Variants in CREB1 observed in about 807,000 individuals in gnomAD.
CREB1 encodes the protein cyclic AMP-responsive element-binding protein 1.
CREB1 carries 2 observed loss-of-function variants against 42.0 expected under a neutral mutation model. The ratio of observed to expected loss-of-function variants is 0.05; its 90% confidence interval spans 0.02 to 0.15. The LOEUF (loss-of-function observed/expected upper bound fraction) is 0.15. Ranked by LOEUF, CREB1 falls within the 10% of genes least tolerant of loss-of-function variation. CREB1 has a pLI of 1.00. For missense variants in CREB1, 199 were observed against 388.9 expected, an observed-to-expected ratio of 0.51 and a Z score of 4.11; for synonymous variants, 123 against 139.9, an observed-to-expected ratio of 0.88 and a Z score of 0.85.
At chr2:207,581,638 G>T in intron 7 of CREB1, 1 of 413,160 alleles carries the variant, frequency 2.4e-6, no homozygotes, top group Non-Finnish European at 4.3e-6. Flanking sequence ...ACTTACAAAG[G>T]AGTTTTAAAA....
chr2:207,581,921 C>T, intron 7 of CREB1: 1 of 702,684 alleles, frequency 1.4e-6, no homozygotes, highest in Non-Finnish European at 2.6e-6. Context: ...TAGAATATCC[C>T]TCAGTTTGCA....
chr2:207,537,546 T>C (rs1288034916), intron 1 of CREB1, among the ~76,000 whole-genome samples: 1 of 152,194 alleles, frequency 6.6e-6, no homozygotes, highest in Non-Finnish European at 1.5e-5. Context: ...AACGTGGTTG[T>C]TTTTTCTCTG....
In CREB1 at chr2:207,598,457, C is replaced by CT. The variant is rs985478314; in HGVS notation, c.*1400dup. 6.7e-5 allele frequency: 12 copies of CT among 178,074 alleles called. No individual in the cohort carries two copies. The highest frequency in any genetic ancestry group is 1.3e-4 in the Admixed American group (2 of 15,244). The allele number at this position is 178,074 out of a possible 1,614,324, so 11.0% of individuals were successfully genotyped here. On this transcript the variant is annotated 3_prime_UTR_variant, in exon 8 of 8. Coordinates refer to ENST00000353267, the MANE Select transcript of CREB1 (RefSeq NM_004379.5). ...TTTTAATTGTTACTCATTTTATTCA[C>CT]TAAGCTCGATAAATCTAACAGTTAC...
At chr2:207,592,179 A>C (rs769322923) in intron 7 of CREB1, among the ~76,000 whole-genome samples, 1 of 152,114 alleles carries the variant, frequency 6.6e-6, no homozygotes, top group Non-Finnish European at 1.5e-5. Context: ...AGGCTGAGGT[A>C]GGCGGATCAC....
At chr2:207,545,268 C>T (rs1407473424) in intron 1 of CREB1, among the ~76,000 whole-genome samples, 1 of 152,148 alleles carries the variant, frequency 6.6e-6, no homozygotes, top group Non-Finnish European at 1.5e-5. Context: ...AGTGCAGTGG[C>T]ATGATCTCGG....
At chr2:207,553,062 CTTTTTTTTTTTT>C (rs10561230) in intron 1 of CREB1, among the ~76,000 whole-genome samples, 94 of 63,222 alleles carry the variant, frequency 1.5e-3, no homozygotes, top group African/African-American at 5.2e-3. Context: ...TACAGGTAGA[CTTTTTTTTTTTT>C]TTTTTTTTTT....
chr2:207,562,117 A>G (rs1473058959), intron 3 of CREB1, among the ~76,000 whole-genome samples: 1 of 152,136 alleles, frequency 6.6e-6, no homozygotes, highest in Non-Finnish European at 1.5e-5. Flanking sequence ...TTTTTATTCC[A>G]TTGAGTGCTA....
In CREB1 at chr2:207,570,175, G is replaced by A; in HGVS notation, c.363-4G>A. ...TTAATTATTCTAGTTTTCTAATTTT[G>A]TAGGAAAATTTTGAATGACTTATCT... On this transcript the variant is annotated splice_polypyrimidine_tract_variant and splice_region_variant and intron_variant, in intron 4 of 7. Transcript: ENST00000353267. 1 of 1,578,932 alleles carries A rather than the reference G, an allele frequency of 6.3e-7. No homozygotes were observed. The highest frequency in any genetic ancestry group is 8.6e-7 in the Non-Finnish European group (1 of 1,163,602).
chr2:207,534,987 T>G lies in CREB1; in HGVS notation c.-9+4853T>G, dbSNP rs576427672. On this transcript the variant is annotated intron_variant, in intron 1 of 7. Transcript: ENST00000353267. ...ATTTTGTATCAGCACATAAAGAGCT[T>G]CTTCATTTTTTAACATACAATTGGA... is the stretch of plus-strand genomic sequence containing the variant. 4.0e-3 allele frequency among the ~76,000 whole-genome samples: 609 copies of G among 152,322 alleles called. 3 individuals carry two copies. The highest frequency in any genetic ancestry group is 8.1e-3 in the African/African-American group (336 of 41,558).
intron 6 of CREB1, among the ~76,000 whole-genome samples, 162 bp downstream of exon 6, chr2:207,575,616 A>G (rs911493525): frequency 6.6e-6 from 1 of 152,174 alleles, no homozygotes; most frequent in African/African-American, 2.4e-5. Context: ...CATTATTCCA[A>G]TTGGACCAAA....
chr2:207,536,895 C>T (rs1210716713), intron 1 of CREB1, among the ~76,000 whole-genome samples: 1 of 151,838 alleles, frequency 6.6e-6, no homozygotes, highest in Non-Finnish European at 1.5e-5. Flanking sequence ...GAGGCTGAGG[C>T]AGGAGAATTG....
At chr2:207,579,280 A>C (rs1444684617) in intron 7 of CREB1, among the ~76,000 whole-genome samples, 2 of 151,784 alleles carry the variant, frequency 1.3e-5, no homozygotes, top group Admixed American at 1.3e-4. Flanking sequence ...ATTAGAAGCA[A>C]GTCTGATCAA....
intron 1 of CREB1, among the ~76,000 whole-genome samples, chr2:207,537,329 C>T (rs374357789): frequency 6.6e-6 from 1 of 152,058 alleles, no homozygotes; most frequent in Non-Finnish European, 1.5e-5. Flanking sequence ...TGAGCCACTG[C>T]GCCTGGCCTA....
chr2:207,591,060 T>G (rs1480891611), intron 7 of CREB1, among the ~76,000 whole-genome samples: 2 of 152,184 alleles, frequency 1.3e-5, no homozygotes, highest in African/African-American at 2.4e-5. Context: ...AGAACATACT[T>G]TGTATTATTT....
At chr2:207,575,542 C>A in intron 6 of CREB1, 88 bp downstream of exon 6, 1 of 1,107,826 alleles carries the variant, frequency 9.0e-7, no homozygotes. Context: ...TATCATATTG[C>A]AAACCACCAT....
intron 7 of CREB1, among the ~76,000 whole-genome samples, chr2:207,593,910 AG>A (rs2106636757): frequency 6.6e-6 from 1 of 151,846 alleles, no homozygotes; most frequent in East Asian, 2.0e-4. Flanking sequence ...GTAGAGACAG[AG>A]TTTCGCCATG....
intron 1 of CREB1, among the ~76,000 whole-genome samples, chr2:207,541,462 T>C (rs1183480499): frequency 6.6e-6 from 1 of 152,224 alleles, no homozygotes; most frequent in African/African-American, 2.4e-5. Context: ...TACTTACCGT[T>C]GTGTTACATT....
intron 1 of CREB1, among the ~76,000 whole-genome samples, chr2:207,540,796 A>G (rs1052601541): frequency 6.6e-6 from 1 of 151,890 alleles, no homozygotes; most frequent in East Asian, 1.9e-4. Flanking sequence ...CAGCTGTACA[A>G]TTTATTTGTG....
chr2:207,546,205 A>T (rs1185541942), intron 1 of CREB1, among the ~76,000 whole-genome samples: 1 of 152,178 alleles, frequency 6.6e-6, no homozygotes, highest in Non-Finnish European at 1.5e-5. Context: ...CCTTACCAGA[A>T]ATCACCACCA....
Sources: gnomAD v4.1 joint callset for allele counts (sites outside exome capture counted in the v4.1 genomes callset) on GRCh38, gnomAD v4.1.1 for gene constraint, MANE v1.5 for transcripts, NCBI Gene and HGNC (gene_info 2026-07-23, HGNC 2026-07-21) for gene names.